Variants in KDM5C observed in about 807,000 individuals in gnomAD.
KDM5C encodes lysine-specific demethylase 5C.
In KDM5C, 16 loss-of-function variants were observed where a neutral mutation model predicts 110.6. That is an observed-to-expected ratio of 0.14 (90% CI 0.10 to 0.22). The LOEUF (loss-of-function observed/expected upper bound fraction) is 0.22, where lower values mean the gene tolerates loss of function less well. Ranked by LOEUF, KDM5C falls within the 10% of genes least tolerant of loss-of-function variation. The pLI is 1.00. For missense variants in KDM5C, 681 were observed against 1,300.9 expected, an observed-to-expected ratio of 0.52 and a Z score of 7.33; for synonymous variants, 511 against 520.4, an observed-to-expected ratio of 0.98 and a Z score of 0.24.
At chrX:53,179,166 G>A (rs1051528282) in intron 25 of KDM5C, among the ~76,000 whole-genome samples, 4 of 110,292 alleles carry the variant, frequency 3.6e-5, no homozygotes, top group South Asian at 7.8e-4. Flanking sequence ...TCCTGGAGGC[G>A]GAGGTTGCAG....
intron 18 of KDM5C, 119 bp from the exon 19 acceptor site, chrX:53,197,163 C>A (rs1052056818): frequency 3.6e-6 from 2 of 550,606 alleles, no homozygotes; most frequent in Non-Finnish European, 6.1e-6. Context: ...GGCAAAGGAG[C>A]CTAACATGGG....
chrX:53,191,757 T>G (rs1428899736), downstream of KDM5C: 2 of 174,483 alleles, frequency 1.1e-5, no homozygotes, highest in African/African-American at 5.9e-5. Flanking sequence ...TAATCAGATC[T>G]ACACTTTAGA....
At chrX:53,196,163 C>A in intron 19 of KDM5C, 109 bp from the exon 20 acceptor site, 1 of 917,196 alleles carries the variant, frequency 1.1e-6, no homozygotes, top group East Asian at 3.3e-5. Context: ...TCTGTTATTC[C>A]TGCTGTCACT....
chrX:53,178,973 G>C (rs1439519814), intron 25 of KDM5C, among the ~76,000 whole-genome samples: 1 of 111,163 alleles, frequency 9.0e-6, no homozygotes, highest in Non-Finnish European at 1.9e-5. Context: ...GGTGGCTCAC[G>C]CCTGTAATCC....
chrX:53,219,234 A>G (rs2073833531), intron 2 of KDM5C, among the ~76,000 whole-genome samples: 1 of 112,575 alleles, frequency 8.9e-6, no homozygotes, highest in African/African-American at 3.2e-5. Context: ...GGTAGACTTA[A>G]TGAGGGGACC....
intron 18 of KDM5C, 71 bp from the exon 19 acceptor site, chrX:53,197,115 C>A: frequency 1.3e-6 from 1 of 799,027 alleles, no homozygotes; most frequent in Non-Finnish European, 1.8e-6. Context: ...CCAGATGGAA[C>A]CTTGTCCCAC....
intron 3 of KDM5C, 108 bp from the exon 4 acceptor site, chrX:53,218,074 A>G: frequency 1.1e-6 from 1 of 925,932 alleles, no homozygotes; most frequent in Non-Finnish European, 1.5e-6. Flanking sequence ...CTAGTCCCTC[A>G]CTTCACTGGG....
chrX:53,187,730 G>A (rs1157634559), downstream of KDM5C, among the ~76,000 whole-genome samples: 6 of 106,715 alleles, frequency 5.6e-5, no homozygotes, highest in Admixed American at 1.0e-4. Flanking sequence ...GTAAGATCTC[G>A]TCTCTATAAC....
At chrX:53,186,308 T>A (rs1934214931) in intron 25 of KDM5C, among the ~76,000 whole-genome samples, 1 of 111,640 alleles carries the variant, frequency 9.0e-6, no homozygotes, top group Non-Finnish European at 1.9e-5. Context: ...GGTGGCAATA[T>A]CGTGACAACA....
rs781950484 is a variant in KDM5C at position 53,192,256 on chromosome X, CTTTTT to C, written c.*706_*710del. The C allele has an allele frequency of 3.7e-5, 6 of 162,476 alleles. No individual in the cohort carries two copies. The highest frequency in any genetic ancestry group is 3.5e-4 in the East Asian group (4 of 11,279). 13.4% of individuals were successfully genotyped at this position (162,476 alleles called of 1,213,427 possible). On this transcript the variant is annotated 3_prime_UTR_variant, in exon 26 of 26. Coordinates refer to ENST00000375401, the MANE Select transcript of KDM5C (RefSeq NM_004187.5). ...AGTTGGAACCAAGTTTCTTGTTTTG[CTTTTT>C]TTTTTCTTTTGAACAAATTAATTAC...
chrX:53,208,965 G>A (rs1031751380), intron 12 of KDM5C, among the ~76,000 whole-genome samples: 5 of 108,010 alleles, frequency 4.6e-5, no homozygotes, highest in Non-Finnish European at 5.8e-5. Flanking sequence ...ACAGGCGTGC[G>A]CCACCATACC....
At chrX:53,188,553 T>C (rs1367552211), downstream of KDM5C, among the ~76,000 whole-genome samples, 1 of 110,333 alleles carries the variant, frequency 9.1e-6, no homozygotes, top group African/African-American at 3.3e-5. Context: ...TTTTGTACTT[T>C]TAGTAGAGAT....
At chrX:53,189,446 C>T (rs189189630), downstream of KDM5C, among the ~76,000 whole-genome samples, 1 of 112,667 alleles carries the variant, frequency 8.9e-6, no homozygotes, top group Admixed American at 9.3e-5. Flanking sequence ...TGGAGCTGAG[C>T]ACCCAGGTGG....
At chrX:53,184,993 C>T (rs1934177709) in intron 25 of KDM5C, among the ~76,000 whole-genome samples, 1 of 111,968 alleles carries the variant, frequency 8.9e-6, no homozygotes, top group Non-Finnish European at 1.9e-5. Context: ...GCAGGGGAAT[C>T]CATCGTTTAG....
rs781948497 is a variant in KDM5C, at chrX:53,200,812, G to A, written c.2061+738C>T. Among the ~76,000 whole-genome samples, 6 of 112,206 alleles carry A rather than the reference G, an allele frequency of 5.3e-5. No individual in the cohort carries two copies. The South Asian group carries it at 1.5e-3, about 27-fold the overall frequency. ...TTGAAGATGATGGCTGAAACTACAC[G>A]AGTGGACTTTAGAGCTCTGTAGCAG... On this transcript the variant is annotated intron_variant, in intron 14 of 25. Coordinates refer to ENST00000375401, the MANE Select transcript of KDM5C (RefSeq NM_004187.5).
chrX:53,197,564 A>G, intron 18 of KDM5C: 1 of 443,121 alleles, frequency 2.3e-6, no homozygotes, highest in Non-Finnish European at 4.0e-6. Flanking sequence ...TGTATCCTAT[A>G]CCCATACCCT....
rs781924133 is a variant in KDM5C, at chrX:53,193,126, A to G, written c.4524T>C (p.Pro1508=). 23 of 1,207,179 alleles carry G rather than the reference A, an allele frequency of 1.9e-5. No homozygotes were observed. Among genetic ancestry groups the G allele is most frequent in the Non-Finnish European group, 2.5e-5 (22 of 894,083 alleles). Residue 1508 remains proline, a synonymous_variant, in exon 26 of 26, where the codon CCT becomes CCC. Transcript: ENST00000375401. ...LEEETGGEGP[P]APIPTTGSPS... is the part of the protein sequence containing the mutation. ...GGCTGCCAGTGGTGGGGATGGGTGC[A>G]GGGGGGCCCTCACCCCCAGTCTCCT...
intron 1 of KDM5C, among the ~76,000 whole-genome samples, chrX:53,222,463 A>T: frequency 9.1e-6 from 1 of 109,781 alleles, no homozygotes; most frequent in Non-Finnish European, 1.9e-5. Flanking sequence ...TCCCCTCAGC[A>T]CAGGTAACCC....
At chrX:53,186,310 G>A (rs781815998) in intron 25 of KDM5C, among the ~76,000 whole-genome samples, 10 of 111,837 alleles carry the variant, frequency 8.9e-5, no homozygotes, top group African/African-American at 2.3e-4. Flanking sequence ...TGGCAATATC[G>A]TGACAACAGG....
Sources: allele counts gnomAD v4.1 joint callset (sites outside exome capture counted in the v4.1 genomes callset), GRCh38; gene constraint gnomAD v4.1.1; transcripts MANE v1.5; gene names NCBI Gene and HGNC (gene_info 2026-07-23, HGNC 2026-07-21).